THSD4: variants seen among roughly 807,000 people sequenced by gnomAD.
The protein encoded by THSD4 is thrombospondin type 1 domain containing 4.
Under a neutral mutation model 119.0 loss-of-function variants are expected in THSD4, and 69 were observed. The observed-to-expected ratio is 0.58, with a 90% CI of 0.48 to 0.71. The LOEUF (loss-of-function observed/expected upper bound fraction) is 0.71. THSD4 is among the 30% of genes least tolerant of loss of function. THSD4 has a pLI of 0.00. For missense variants in THSD4, 1,393 were observed against 1,391.1 expected, an observed-to-expected ratio of 1.00 and a Z score of -0.02; for synonymous variants, 524 against 540.4, an observed-to-expected ratio of 0.97 and a Z score of 0.42.
intron 8 of THSD4, among the ~76,000 whole-genome samples, chr15:71,716,550 A>G (rs2052611075): frequency 9.9e-6 from 1 of 100,642 alleles, no homozygotes; most frequent in South Asian, 3.0e-4. Context: ...TGTTTGTTTT[A>G]TAGAGTGTGG....
At chr15:71,561,043 C>T (rs887022690) in intron 7 of THSD4, among the ~76,000 whole-genome samples, 1 of 149,056 alleles carries the variant, frequency 6.7e-6, no homozygotes, top group Non-Finnish European at 1.5e-5. Context: ...GGCACAATCT[C>T]GGCTCACTGC....
chr15:71,741,496 AC>A (rs780387789), intron 11 of THSD4, among the ~76,000 whole-genome samples: 6 of 147,532 alleles, frequency 4.1e-5, no homozygotes, highest in Non-Finnish European at 6.0e-5. Flanking sequence ...CCGTCTCAAA[AC>A]AAAACAAAAC....
chr15:71,276,234 T>G (rs1252134764), intron 6 of THSD4, among the ~76,000 whole-genome samples: 2 of 152,262 alleles, frequency 1.3e-5, no homozygotes, highest in African/African-American at 4.8e-5. Flanking sequence ...GGAATAATTA[T>G]TTATTGCCTA....
In THSD4 at chr15:71,256,112, C is replaced by A. The variant is rs2044313037; in HGVS notation, c.913-501C>A. ...TGAAGCCTGGGGATCTGCATTTAAA[C>A]TTTTTGATGCAGGTTTTGAGCAAAT... is the stretch of plus-strand genomic sequence containing the variant. On this transcript the variant is annotated intron_variant, in intron 5 of 17. Coordinates refer to ENST00000261862, the MANE Select transcript of THSD4 (RefSeq NM_024817.3). Among the ~76,000 whole-genome samples, 5 of 152,314 alleles carry A rather than the reference C, an allele frequency of 3.3e-5. No individual in the cohort carries two copies. In the South Asian group the frequency reaches 6.2e-4, roughly 19 times the overall value.
chr15:71,573,719 A>C (rs577349492), intron 7 of THSD4, among the ~76,000 whole-genome samples: 2 of 152,198 alleles, frequency 1.3e-5, no homozygotes, highest in Non-Finnish European at 1.5e-5. Context: ...ATTGCTGTAG[A>C]GGTAGGTTAT....
In THSD4 at chr15:71,309,442, G is replaced by A. The variant is rs145175983; in HGVS notation, c.1015+52727G>A. 6.8e-4 allele frequency among the ~76,000 whole-genome samples: 103 copies of A among 152,250 alleles called. 1 individual carries two copies. In the East Asian group the frequency reaches 0.018, roughly 26 times the overall value. On this transcript the variant is annotated intron_variant, in intron 6 of 17. Coordinates refer to ENST00000261862, the MANE Select transcript of THSD4 (RefSeq NM_024817.3). Reference sequence around the variant, plus strand: ...ATTTGCAGATATTGTCTTCCAGTGTGGGGTTGTCTCTTCACTTTCTTAATA... The same window carrying A: ...ATTTGCAGATATTGTCTTCCAGTGTAGGGTTGTCTCTTCACTTTCTTAATA...
chr15:71,562,618 A>T (rs2049144349), intron 7 of THSD4, among the ~76,000 whole-genome samples: 1 of 151,576 alleles, frequency 6.6e-6, no homozygotes, highest in African/African-American at 2.4e-5. Flanking sequence ...ATGTAATGTT[A>T]TATCCGTTTC....
chr15:71,485,863 G>C (rs2047808315), intron 7 of THSD4, among the ~76,000 whole-genome samples: 1 of 152,142 alleles, frequency 6.6e-6, no homozygotes, highest in Admixed American at 6.5e-5. Flanking sequence ...CTACAGCCCA[G>C]TGACAAGTTT....
chr15:71,605,770 T>C (rs2050098380), intron 7 of THSD4, among the ~76,000 whole-genome samples: 1 of 151,988 alleles, frequency 6.6e-6, no homozygotes, highest in Admixed American at 6.6e-5. Context: ...GAGCTTCAGG[T>C]TGGAGATGTA....
At chr15:71,672,895 T>C (rs1312283951) in intron 8 of THSD4, among the ~76,000 whole-genome samples, 9 of 152,206 alleles carry the variant, frequency 5.9e-5, no homozygotes, top group Admixed American at 2.6e-4. Flanking sequence ...TTTGCAAGTA[T>C]TTTATTGAGG....
At chr15:71,645,491 A>G (rs918404782) in intron 7 of THSD4, among the ~76,000 whole-genome samples, 1 of 152,150 alleles carries the variant, frequency 6.6e-6, no homozygotes, top group Admixed American at 6.5e-5. Context: ...CCCACCACAC[A>G]TGAGATTTGG....
At chr15:71,321,037 T>C (rs935119789) in intron 6 of THSD4, among the ~76,000 whole-genome samples, 2 of 152,216 alleles carry the variant, frequency 1.3e-5, no homozygotes, top group Admixed American at 6.5e-5. Context: ...ACAGAGTATA[T>C]TGTGAAGATT....
rs2053993247 is a variant in THSD4, at chr15:71,781,215, G to A, written c.*3841G>A. 6.2e-6 allele frequency: 1 copy of A among 160,822 alleles called. No individual in the cohort carries two copies. 10.0% of individuals were successfully genotyped at this position (160,822 alleles called of 1,614,324 possible). On this transcript the variant is annotated 3_prime_UTR_variant, in exon 18 of 18. Transcript: ENST00000261862. ...GCCAATGGCTTGGGTGACACGTGCT[G>A]GATCCAAAAAGATCAGGGAGACTAG...
At chr15:71,364,289 G>A (rs1866921) in intron 6 of THSD4, among the ~76,000 whole-genome samples, 31,211 of 152,188 alleles carry the variant, frequency 0.21, 3,891 homozygotes, top group East Asian at 0.54. Flanking sequence ...GTCTGGACAA[G>A]TTTGCTCATC....
intron 6 of THSD4, among the ~76,000 whole-genome samples, chr15:71,378,136 T>C (rs1596382061): frequency 1.3e-5 from 2 of 152,218 alleles, no homozygotes. Context: ...TTGATTTTTT[T>C]CATATTTTAT....
At chr15:71,561,896 ACACAC>A (rs2049124756) in intron 7 of THSD4, among the ~76,000 whole-genome samples, 1 of 101,230 alleles carries the variant, frequency 9.9e-6, no homozygotes, top group Non-Finnish European at 2.0e-5. Flanking sequence ...ACACACACAC[ACACAC>A]ACACACACAC....
intron 7 of THSD4, among the ~76,000 whole-genome samples, chr15:71,453,950 A>C (rs1200806897): frequency 6.6e-6 from 1 of 152,102 alleles, no homozygotes; most frequent in Non-Finnish European, 1.5e-5. Flanking sequence ...AAATAACTCA[A>C]ATGTACATTT....
At chr15:71,158,590 A>T (rs1295236787) in intron 3 of THSD4, among the ~76,000 whole-genome samples, 2 of 148,776 alleles carry the variant, frequency 1.3e-5, no homozygotes, top group Non-Finnish European at 3.0e-5. Flanking sequence ...GGCCATTTGT[A>T]TGTTTTCTTT....
chr15:71,746,027 C>T (rs1422262063), intron 12 of THSD4, among the ~76,000 whole-genome samples: 1 of 152,188 alleles, frequency 6.6e-6, no homozygotes, highest in Non-Finnish European at 1.5e-5. Context: ...ACCTAATTTG[C>T]AGAGTAATAA....
Sources: allele counts gnomAD v4.1 joint callset (sites outside exome capture counted in the v4.1 genomes callset), GRCh38; gene constraint gnomAD v4.1.1; transcripts MANE v1.5; gene names NCBI Gene and HGNC (gene_info 2026-07-23, HGNC 2026-07-21).